The following SLC35F4 variants were observed in gnomAD, a reference collection of about 807,000 sequenced individuals.
SLC35F4 encodes solute carrier family 35 member F4.
In SLC35F4, 24 loss-of-function variants were observed where a neutral mutation model predicts 44.2. That is an observed-to-expected ratio of 0.54 (90% CI 0.39 to 0.76). SLC35F4 has a LOEUF of 0.76. Ranked by LOEUF, SLC35F4 falls within the 30% of genes least tolerant of loss-of-function variation. The pLI is 0.00. For missense variants in SLC35F4, 562 were observed against 586.1 expected, an observed-to-expected ratio of 0.96 and a Z score of 0.42; for synonymous variants, 238 against 223.6, an observed-to-expected ratio of 1.06 and a Z score of -0.57.
rs373752532 is a variant in SLC35F4, at chr14:57,581,422, C to T, written c.599G>A (p.Arg200Gln). 3.0e-5 allele frequency: 48 copies of T among 1,609,470 alleles called. No individual in the cohort carries two copies. Among genetic ancestry groups the T allele is most frequent in the Non-Finnish European group, 3.6e-5 (42 of 1,177,780 alleles). ...SPMKKFRECS[R>Q]IFGEDGLTLK... ...CGTCAGACCATCTTCACCAAAAATC[C>T]GACTGCATTCCCTAGGAAAGAAAAG... is the stretch of plus-strand genomic sequence containing the variant. The change falls in exon 4 of 8, where the codon CGG becomes CAG. Residue 200 changes from arginine (R) to glutamine (Q), a missense_variant. By Grantham distance (43) the Arg-to-Gln change is conservative. Coordinates refer to ENST00000556826, the MANE Select transcript of SLC35F4 (RefSeq NM_001306087.2).
chr14:57,589,449 G>T lies in SLC35F4; in HGVS notation c.354C>A (p.Cys118Ter). 1 of 1,613,864 alleles carries T rather than the reference G, an allele frequency of 6.2e-7. No homozygotes were observed. Among genetic ancestry groups the T allele is most frequent in the Non-Finnish European group, 8.5e-7 (1 of 1,179,866 alleles). The stretch of plus-strand genomic sequence containing the variant: ...TCAGAACCATGGACGTGCAGGACAG[G>T]CAGCGAGCCTTGATTCTGTTTTCTT... The part of the protein sequence containing the change: ...SSQENRIKAR[C>*]LSCTSMVLKG... Residue 118 changes from cysteine (C) to a stop codon, truncating the protein, a stop_gained, in exon 3 of 8, where the codon TGC becomes TGA. Transcript: ENST00000556826. LOFTEE classifies it high-confidence loss of function.
chr14:57,893,642 C>T (rs554053433), intron 1 of SLC35F4, among the ~76,000 whole-genome samples: 1 of 152,270 alleles, frequency 6.6e-6, no homozygotes, highest in South Asian at 2.1e-4. Context: ...CAAGCACCTG[C>T]TTTGTAACTC....
chr14:57,650,887 G>C (rs1410263646), intron 1 of SLC35F4, among the ~76,000 whole-genome samples: 9 of 152,104 alleles, frequency 5.9e-5, no homozygotes, highest in Non-Finnish European at 1.5e-5. Context: ...CCTGTGCCTG[G>C]AACCCTTCCT....
chr14:57,715,420 A>T (rs1468253503), intron 1 of SLC35F4, among the ~76,000 whole-genome samples: 4 of 152,356 alleles, frequency 2.6e-5, no homozygotes, highest in East Asian at 1.9e-4. Context: ...TTTGGACAAT[A>T]AATTATATGG....
intron 1 of SLC35F4, among the ~76,000 whole-genome samples, chr14:57,901,998 TAA>T (rs1889010518): frequency 6.6e-6 from 1 of 152,198 alleles, no homozygotes; most frequent in African/African-American, 2.4e-5. Context: ...GGATTTTGAT[TAA>T]ATGTTCCCTG....
chr14:57,759,472 A>T (rs2077071722), intron 1 of SLC35F4, among the ~76,000 whole-genome samples: 1 of 152,116 alleles, frequency 6.6e-6, no homozygotes, highest in South Asian at 2.1e-4. Context: ...CCCAGCTACT[A>T]GGAAGACTGA....
intron 1 of SLC35F4, among the ~76,000 whole-genome samples, chr14:57,619,434 A>T (rs2072050748): frequency 6.6e-6 from 1 of 152,208 alleles, no homozygotes; most frequent in Non-Finnish European, 1.5e-5. Context: ...ACTCCAGTAG[A>T]CCTGCAGCAG....
chr14:57,745,995 A>C (rs1594946260), intron 1 of SLC35F4, among the ~76,000 whole-genome samples: 2 of 151,904 alleles, frequency 1.3e-5, no homozygotes, highest in African/African-American at 4.8e-5. Flanking sequence ...AAAAAACCAA[A>C]CACCACATGT....
intron 1 of SLC35F4, among the ~76,000 whole-genome samples, chr14:57,623,964 A>G (rs1186042645): frequency 6.6e-6 from 1 of 152,214 alleles, no homozygotes; most frequent in African/African-American, 2.4e-5. Flanking sequence ...GCAGAACTGA[A>G]GGAGATAGAG....
At chr14:57,873,756 CAT>C (rs1555399351) in intron 1 of SLC35F4, among the ~76,000 whole-genome samples, 48 of 152,124 alleles carry the variant, frequency 3.2e-4, no homozygotes, top group African/African-American at 9.9e-4. Context: ...CACACACACA[CAT>C]GACAAACCCT....
chr14:57,636,440 C>T (rs1156782941), intron 1 of SLC35F4, among the ~76,000 whole-genome samples: 1 of 152,048 alleles, frequency 6.6e-6, no homozygotes, highest in African/African-American at 2.4e-5. Context: ...AAAGAATGCT[C>T]ATATACCCCA....
chr14:57,702,055 G>T (rs982650353), intron 1 of SLC35F4, among the ~76,000 whole-genome samples: 1 of 152,108 alleles, frequency 6.6e-6, no homozygotes, highest in Non-Finnish European at 1.5e-5. Context: ...GGTCTGTTTG[G>T]AAAACAGGAT....
chr14:57,799,462 T>A (rs563256372), intron 1 of SLC35F4: 34 of 152,476 alleles, frequency 2.2e-4, no homozygotes, highest in African/African-American at 8.2e-4. Context: ...TCTGTACATA[T>A]CCCTAGGAAG....
intron 1 of SLC35F4, among the ~76,000 whole-genome samples, chr14:57,730,266 G>C (rs1406513074): frequency 6.6e-6 from 1 of 152,150 alleles, no homozygotes; most frequent in Non-Finnish European, 1.5e-5. Context: ...CAGGGGACAG[G>C]AAGTATGTAG....
chr14:57,794,316 G>T (rs918602054), intron 1 of SLC35F4, among the ~76,000 whole-genome samples: 2 of 152,060 alleles, frequency 1.3e-5, no homozygotes, highest in South Asian at 4.2e-4. Context: ...AAAGACTAAT[G>T]TTCAGAATTG....
At chr14:57,594,854 G>C (rs1191081005) in intron 1 of SLC35F4, among the ~76,000 whole-genome samples, 2 of 152,092 alleles carry the variant, frequency 1.3e-5, no homozygotes, top group East Asian at 3.9e-4. Flanking sequence ...TCATCCACCA[G>C]CCAACACCCC....
At chr14:57,711,635 C>A (rs997497732) in intron 1 of SLC35F4, among the ~76,000 whole-genome samples, 3 of 152,170 alleles carry the variant, frequency 2.0e-5, no homozygotes, top group Admixed American at 6.5e-5. Flanking sequence ...AGACTTTCCT[C>A]AAGACTAGCT....
intron 1 of SLC35F4, among the ~76,000 whole-genome samples, chr14:57,691,834 T>A (rs1031053340): frequency 6.7e-6 from 1 of 149,996 alleles, no homozygotes; most frequent in Non-Finnish European, 1.5e-5. Flanking sequence ...CAGACTTAGA[T>A]GAACAATGCT....
At chr14:57,604,412 C>T (rs973889027) in intron 1 of SLC35F4, among the ~76,000 whole-genome samples, 1 of 152,168 alleles carries the variant, frequency 6.6e-6, no homozygotes, top group Non-Finnish European at 1.5e-5. Context: ...GGTGAAAGAT[C>T]TCTACAAGGA....
Sources: gnomAD v4.1 joint callset for allele counts (sites outside exome capture counted in the v4.1 genomes callset) on GRCh38, gnomAD v4.1.1 for gene constraint, MANE v1.5 for transcripts, NCBI Gene and HGNC (gene_info 2026-07-23, HGNC 2026-07-21) for gene names.